Variants in CNBD1 observed in about 807,000 individuals in gnomAD.
CNBD1 encodes the protein cyclic nucleotide-binding domain-containing protein 1.
A neutral mutation model predicts 54.4 loss-of-function variants in CNBD1; 71 were observed. The ratio of observed to expected loss-of-function variants is 1.30; its 90% CI spans 1.08 to 1.59. CNBD1 has a LOEUF of 1.59. CNBD1 is among the 40% of genes most tolerant of loss of function. The pLI is 0.00. For missense variants in CNBD1, 659 were observed against 518.0 expected (o/e 1.27, Z -2.64); for synonymous variants, 182 against 170.7 (o/e 1.07, Z -0.51).
At position 87,206,018 on chromosome 8, in the gene CNBD1, C is replaced by T; in HGVS notation, c.457C>T (p.His153Tyr). ...GCCCATTCACAGGACGCCATATGAA[C>T]ACAAAACTGTGTGGAAGTTCCTGAA... Reference protein sequence around the residue: ...KLPIHRTPYEHKTVWKFLKTI... With the variant: ...KLPIHRTPYEYKTVWKFLKTI... Residue 153 changes from histidine (H) to tyrosine (Y), a missense_variant, in exon 5 of 11, where the codon CAC becomes TAC. Coordinates refer to ENST00000518476, the MANE Select transcript of CNBD1 (RefSeq NM_173538.3). 1 of 1,574,996 alleles carries T rather than the reference C, an allele frequency of 6.3e-7. No homozygotes were observed. The highest frequency in any genetic ancestry group is 8.6e-7 in the Non-Finnish European group (1 of 1,162,408).
At chr8:86,885,073 T>G (rs1299076391) in intron 1 of CNBD1, among the ~76,000 whole-genome samples, 1 of 152,236 alleles carries the variant, frequency 6.6e-6, no homozygotes. Flanking sequence ...TTGCTTCCTC[T>G]TAGCTTTTTG....
chr8:87,019,749 G>C (rs1809443746), intron 4 of CNBD1, among the ~76,000 whole-genome samples: 1 of 152,010 alleles, frequency 6.6e-6, no homozygotes, highest in Non-Finnish European at 1.5e-5. Flanking sequence ...GTGGTGGCAG[G>C]CACCTGTAAT....
intron 10 of CNBD1, among the ~76,000 whole-genome samples, chr8:87,372,057 T>C (rs1369281624): frequency 6.6e-6 from 1 of 152,030 alleles, no homozygotes; most frequent in Non-Finnish European, 1.5e-5. Context: ...TGTCCCTGTT[T>C]GCAGACGACA....
At chr8:87,198,292 C>G (rs889009436) in intron 4 of CNBD1, among the ~76,000 whole-genome samples, 2 of 152,170 alleles carry the variant, frequency 1.3e-5, no homozygotes, top group Admixed American at 1.3e-4. Flanking sequence ...ACTCTGAGAG[C>G]ATACCACAAT....
intron 4 of CNBD1, among the ~76,000 whole-genome samples, chr8:87,143,685 A>G (rs1296075735): frequency 6.6e-6 from 1 of 152,186 alleles, no homozygotes; most frequent in African/African-American, 2.4e-5. Flanking sequence ...TTATTGTACA[A>G]AGCAATTAAA....
intron 4 of CNBD1, among the ~76,000 whole-genome samples, chr8:87,174,918 A>T (rs1402497668): frequency 1.3e-5 from 2 of 152,162 alleles, no homozygotes; most frequent in Admixed American, 6.5e-5. Context: ...TTTCTCCCAA[A>T]TCAGTGAAGT....
At chr8:87,421,036 C>A (rs1807925212) in intron 2 of CNBD1, among the ~76,000 whole-genome samples, 1 of 151,808 alleles carries the variant, frequency 6.6e-6, no homozygotes. Context: ...AAAATCGGTG[C>A]AGATAGCAAC....
intron 2 of CNBD1, among the ~76,000 whole-genome samples, chr8:87,396,796 A>G (rs1050742017): frequency 2.0e-5 from 3 of 151,402 alleles, no homozygotes; most frequent in Non-Finnish European, 4.4e-5. Context: ...AATATTTTCA[A>G]ATACCACCCC....
At chr8:87,006,451 A>C (rs751604862) in intron 4 of CNBD1, among the ~76,000 whole-genome samples, 3 of 152,164 alleles carry the variant, frequency 2.0e-5, no homozygotes, top group Non-Finnish European at 2.9e-5. Flanking sequence ...AAAGAGGTTT[A>C]ATTGGCTTAT....
At chr8:87,269,014 T>A (rs1270996203) in intron 6 of CNBD1, among the ~76,000 whole-genome samples, 4 of 152,064 alleles carry the variant, frequency 2.6e-5, no homozygotes, top group Non-Finnish European at 4.4e-5. Flanking sequence ...ATATCCAGAA[T>A]GATATTTTCT....
At chr8:87,171,135 G>T (rs902429133) in intron 4 of CNBD1, among the ~76,000 whole-genome samples, 6 of 152,128 alleles carry the variant, frequency 3.9e-5, no homozygotes, top group African/African-American at 1.4e-4. Context: ...GAATTCAGCA[G>T]TGAAGATATC....
chr8:87,348,280 A>G (rs1025546002), intron 8 of CNBD1, among the ~76,000 whole-genome samples: 6 of 152,170 alleles, frequency 3.9e-5, no homozygotes, highest in Admixed American at 2.6e-4. Flanking sequence ...CTGCAAATAA[A>G]TATACATTTT....
At chr8:86,894,601 T>C (rs1382279069) in intron 2 of CNBD1, among the ~76,000 whole-genome samples, 1 of 152,176 alleles carries the variant, frequency 6.6e-6, no homozygotes, top group Non-Finnish European at 1.5e-5. Flanking sequence ...TATAATGACA[T>C]GGAACAACCA....
chr8:87,137,741 T>C (rs933670356), intron 4 of CNBD1, among the ~76,000 whole-genome samples: 1 of 152,060 alleles, frequency 6.6e-6, no homozygotes, highest in Non-Finnish European at 1.5e-5. Context: ...TTATAGTGAA[T>C]TGGAATGGGA....
At chr8:87,014,275 GTTTT>G (rs58073603) in intron 4 of CNBD1, among the ~76,000 whole-genome samples, 3 of 146,686 alleles carry the variant, frequency 2.0e-5, no homozygotes, top group Non-Finnish European at 4.5e-5. Flanking sequence ...ATTGTTAGCA[GTTTT>G]TTTTTTTTGC....
chr8:86,938,360 C>T (rs548323451), intron 3 of CNBD1, among the ~76,000 whole-genome samples: 1 of 152,158 alleles, frequency 6.6e-6, no homozygotes, highest in Non-Finnish European at 1.5e-5. Flanking sequence ...TGCCTGTTAC[C>T]CAGTTCCGAA....
At chr8:87,361,507 T>C (rs1312758842) in intron 10 of CNBD1, among the ~76,000 whole-genome samples, 1 of 151,846 alleles carries the variant, frequency 6.6e-6, no homozygotes, top group African/African-American at 2.4e-5. Context: ...CACTATAAAT[T>C]ACATTATCAA....
chr8:87,369,485 C>T (rs966174120), intron 10 of CNBD1, among the ~76,000 whole-genome samples: 2 of 152,212 alleles, frequency 1.3e-5, no homozygotes, highest in African/African-American at 2.4e-5. Context: ...TCTCATACAG[C>T]AAATCTGCAG....
intron 4 of CNBD1, among the ~76,000 whole-genome samples, chr8:87,051,785 G>A (rs1192160885): frequency 1.3e-5 from 2 of 152,182 alleles, no homozygotes; most frequent in African/African-American, 4.8e-5. Flanking sequence ...CTTCCAGCAT[G>A]GGCATCATGG....
Sources: allele counts gnomAD v4.1 joint callset (sites outside exome capture counted in the v4.1 genomes callset), GRCh38; gene constraint gnomAD v4.1.1; transcripts MANE v1.5; gene names NCBI Gene and HGNC (gene_info 2026-07-23, HGNC 2026-07-21).